The following NSMCE2 variants were observed in gnomAD, a reference collection of about 807,000 sequenced individuals.
NSMCE2 encodes NSE2 SUMO ligase component of SMC5/6 complex.
Under a neutral mutation model 23.8 loss-of-function variants are expected in NSMCE2, and 24 were observed. The ratio of observed to expected loss-of-function variants is 1.01; its 90% CI spans 0.73 to 1.42. The LOEUF is 1.42. Ranked by LOEUF, NSMCE2 falls within the 40% of genes most tolerant of loss-of-function variation. The pLI, the probability that NSMCE2 is intolerant of heterozygous loss-of-function variation, is 0.00. For missense variants in NSMCE2, 284 were observed against 296.5 expected (o/e 0.96, Z 0.31); for synonymous variants, 92 against 94.1 (o/e 0.98, Z 0.13).
At chr8:125,363,536 GAAAGAA>G (rs1225304269) in intron 7 of NSMCE2, among the ~76,000 whole-genome samples, 7 of 115,162 alleles carry the variant, frequency 6.1e-5, no homozygotes, top group Middle Eastern at 4.8e-3. Context: ...AAGAAAGAAA[GAAAGAA>G]AGAGAGAGAG....
chr8:125,269,641 T>C (rs1310581454), intron 5 of NSMCE2, among the ~76,000 whole-genome samples: 2 of 152,228 alleles, frequency 1.3e-5, no homozygotes, highest in Admixed American at 1.3e-4. Context: ...GATCCTTGTT[T>C]TATGCTTTGA....
intron 5 of NSMCE2, among the ~76,000 whole-genome samples, chr8:125,224,488 G>C (rs1320855953): frequency 6.6e-6 from 1 of 152,130 alleles, no homozygotes; most frequent in Non-Finnish European, 1.5e-5. Flanking sequence ...CATATATTGT[G>C]AGTTAACAGT....
chr8:125,118,774 G>A (rs1465880040), intron 3 of NSMCE2, among the ~76,000 whole-genome samples: 4 of 152,136 alleles, frequency 2.6e-5, no homozygotes, highest in African/African-American at 9.7e-5. Context: ...CAGGAATGAG[G>A]ACTATACCTC....
At chr8:125,166,664 A>G (rs1821892996) in intron 4 of NSMCE2, among the ~76,000 whole-genome samples, 1 of 152,182 alleles carries the variant, frequency 6.6e-6, no homozygotes, top group Admixed American at 6.5e-5. Flanking sequence ...TTTGATTCTT[A>G]AGATCCTCTA....
chr8:125,144,692 A>C (rs1215449882), intron 3 of NSMCE2, among the ~76,000 whole-genome samples: 2 of 152,048 alleles, frequency 1.3e-5, no homozygotes, highest in African/African-American at 4.8e-5. Flanking sequence ...TTTTGCCCCT[A>C]GCCTTTCACA....
At chr8:125,133,845 G>A (rs147524214) in intron 3 of NSMCE2, among the ~76,000 whole-genome samples, 135 of 152,224 alleles carry the variant, frequency 8.9e-4, no homozygotes, top group South Asian at 1.5e-3. Context: ...AGAAAACGCC[G>A]TTTATGATTT....
In NSMCE2 at chr8:125,227,679, A is replaced by G. The variant is rs536702325; in HGVS notation, c.418+45423A>G. Among the ~76,000 whole-genome samples the G allele has an allele frequency of 3.1e-3, 468 of 152,316 alleles. 3 individuals are homozygous for G. Among genetic ancestry groups the G allele is most frequent in the African/African-American group, 0.011 (449 of 41,578 alleles). ...TCTAATTAGAATTCCTTTATATTCAATCTGTTTCGAATTACTTTTCTGACT... is the reference window on the plus strand; with the variant it reads ...TCTAATTAGAATTCCTTTATATTCAGTCTGTTTCGAATTACTTTTCTGACT... On this transcript the variant is annotated intron_variant, in intron 5 of 7. Transcript: ENST00000287437.
At chr8:125,285,413 T>C (rs1827852038) in intron 5 of NSMCE2, among the ~76,000 whole-genome samples, 1 of 152,130 alleles carries the variant, frequency 6.6e-6, no homozygotes, top group Non-Finnish European at 1.5e-5. Context: ...AGCTCTGCCT[T>C]CCTCCCTCCT....
At chr8:125,201,593 G>A (rs1823877815) in intron 5 of NSMCE2, among the ~76,000 whole-genome samples, 1 of 152,214 alleles carries the variant, frequency 6.6e-6, no homozygotes. Context: ...CCGCCTGTAT[G>A]AGTTGTCTGT....
At chr8:125,241,450 T>G (rs1825761059) in intron 5 of NSMCE2, among the ~76,000 whole-genome samples, 1 of 152,262 alleles carries the variant, frequency 6.6e-6, no homozygotes, top group African/African-American at 2.4e-5. Flanking sequence ...TAAGTCAGCC[T>G]TAGGGCATCA....
At chr8:125,356,326 G>GTTTTTTTTTTTTTTTTTTT (rs747884264) in intron 5 of NSMCE2, among the ~76,000 whole-genome samples, 2 of 105,434 alleles carry the variant, frequency 1.9e-5, no homozygotes, top group African/African-American at 3.6e-5. Context: ...TAATTTTTTG[G>GTTTTTTTTTTTTTTTTTTT]TTTTTTTTTT....
At chr8:125,333,085 A>G (rs1291783335) in intron 5 of NSMCE2, among the ~76,000 whole-genome samples, 2 of 152,216 alleles carry the variant, frequency 1.3e-5, no homozygotes, top group Non-Finnish European at 2.9e-5. Context: ...CATACAGAAA[A>G]TAAAGGTGTC....
chr8:125,365,046 G>A (rs1253050157), intron 7 of NSMCE2, among the ~76,000 whole-genome samples: 1 of 152,162 alleles, frequency 6.6e-6, no homozygotes, highest in Non-Finnish European at 1.5e-5. Context: ...TCGAAGCAGA[G>A]CCGTGGCTTG....
At chr8:125,095,171 C>T (rs1817870052) in intron 1 of NSMCE2, among the ~76,000 whole-genome samples, 1 of 152,070 alleles carries the variant, frequency 6.6e-6, no homozygotes, top group Non-Finnish European at 1.5e-5. Flanking sequence ...AATCAGTACA[C>T]ATGTGCCTAG....
chr8:125,309,359 T>G (rs948194547), intron 5 of NSMCE2, among the ~76,000 whole-genome samples: 2 of 152,196 alleles, frequency 1.3e-5, no homozygotes, highest in African/African-American at 2.4e-5. Context: ...TTAGGAGCTT[T>G]GGATAAAAAG....
intron 5 of NSMCE2, among the ~76,000 whole-genome samples, chr8:125,245,438 C>A (rs1825919018): frequency 6.6e-6 from 1 of 152,018 alleles, no homozygotes; most frequent in Non-Finnish European, 1.5e-5. Context: ...AAGGCTACGT[C>A]AAAACTATAG....
At chr8:125,099,841 A>G (rs1471891461) in intron 1 of NSMCE2, among the ~76,000 whole-genome samples, 5 of 146,188 alleles carry the variant, frequency 3.4e-5, no homozygotes, top group Non-Finnish European at 6.3e-5. Flanking sequence ...TGGTAACCAG[A>G]GGGGTAAGTG....
intron 5 of NSMCE2, among the ~76,000 whole-genome samples, chr8:125,306,689 T>G (rs1391634620): frequency 1.3e-5 from 2 of 152,182 alleles, no homozygotes; most frequent in African/African-American, 4.8e-5. Flanking sequence ...CAGTCTCAAT[T>G]TATGGACTTT....
intron 3 of NSMCE2, among the ~76,000 whole-genome samples, chr8:125,131,613 A>G (rs567126699): frequency 6.6e-6 from 1 of 152,304 alleles, no homozygotes; most frequent in Admixed American, 6.5e-5. Context: ...GTGGAAAAAA[A>G]AAATGCTTGG....
Sources: gnomAD v4.1 joint callset for allele counts (sites outside exome capture counted in the v4.1 genomes callset) on GRCh38, gnomAD v4.1.1 for gene constraint, MANE v1.5 for transcripts, NCBI Gene and HGNC (gene_info 2026-07-23, HGNC 2026-07-21) for gene names.